The following KIF26B variants were observed in gnomAD, a reference collection of about 807,000 sequenced individuals.
KIF26B encodes kinesin family member 26B, also known as kinesin-like protein KIF26B.
KIF26B carries 63 observed loss-of-function variants against 151.2 expected under a neutral mutation model. That is an observed-to-expected ratio of 0.42 (90% CI 0.34 to 0.51). KIF26B has a LOEUF of 0.51. KIF26B is among the 20% of genes least tolerant of loss of function. KIF26B has a pLI of 0.07. For missense variants in KIF26B, 2,813 were observed against 2,913.6 expected (o/e 0.97, Z 0.79); for synonymous variants, 1,357 against 1,262.1 (o/e 1.08, Z -1.59).
At chr1:245,254,684 A>G (rs1670502997) in intron 2 of KIF26B, among the ~76,000 whole-genome samples, 1 of 152,130 alleles carries the variant, frequency 6.6e-6, no homozygotes, top group African/African-American at 2.4e-5. Flanking sequence ...GTTACGTGCT[A>G]TGACATCACA....
At chr1:245,371,215 G>C (rs931144974) in intron 3 of KIF26B, among the ~76,000 whole-genome samples, 3 of 152,130 alleles carry the variant, frequency 2.0e-5, no homozygotes, top group Non-Finnish European at 4.4e-5. Flanking sequence ...ATGAATCTGC[G>C]TCCCCTGTGT....
intron 2 of KIF26B, among the ~76,000 whole-genome samples, chr1:245,223,308 A>G (rs540291466): frequency 6.6e-6 from 1 of 152,350 alleles, no homozygotes; most frequent in African/African-American, 2.4e-5. Context: ...TTAAGTATGT[A>G]TATCATTAAC....
chr1:245,377,115 A>G (rs1174713522), intron 3 of KIF26B, among the ~76,000 whole-genome samples: 1 of 151,962 alleles, frequency 6.6e-6, no homozygotes, highest in Non-Finnish European at 1.5e-5. Context: ...GGGTTTCACC[A>G]TGTTGGTCAG....
chr1:245,356,826 A>G (rs2103003787), intron 2 of KIF26B, among the ~76,000 whole-genome samples: 1 of 152,336 alleles, frequency 6.6e-6, no homozygotes, highest in Non-Finnish European at 1.5e-5. Flanking sequence ...TGTAGAGAGA[A>G]TTAAAGCAGA....
intron 2 of KIF26B, among the ~76,000 whole-genome samples, chr1:245,180,504 A>C (rs947777413): frequency 6.6e-6 from 1 of 152,206 alleles, no homozygotes; most frequent in Non-Finnish European, 1.5e-5. Context: ...CTCTTTTAAA[A>C]TACTTAGCCC....
At chr1:245,362,237 C>T (rs1672837381) in intron 2 of KIF26B, among the ~76,000 whole-genome samples, 1 of 151,280 alleles carries the variant, frequency 6.6e-6, no homozygotes, top group Admixed American at 6.6e-5. Flanking sequence ...ACAAAATCTT[C>T]CTGAGGAAGG....
intron 2 of KIF26B, among the ~76,000 whole-genome samples, chr1:245,301,684 G>C (rs550624011): frequency 1.3e-5 from 2 of 152,164 alleles, no homozygotes; most frequent in African/African-American, 4.8e-5. Context: ...TCAGAAGAGA[G>C]GAAATGTTAT....
intron 5 of KIF26B, among the ~76,000 whole-genome samples, chr1:245,548,632 T>C (rs1270328071): frequency 6.6e-6 from 1 of 152,188 alleles, no homozygotes; most frequent in Non-Finnish European, 1.5e-5. Context: ...TCATCCCACT[T>C]TGTGGGAGAA....
In KIF26B at chr1:245,358,476, C is replaced by T. The variant is rs528634722; in HGVS notation, c.466-8358C>T. Among the ~76,000 whole-genome samples the T allele has an allele frequency of 2.6e-5, 4 of 152,110 alleles. No individual in the cohort carries two copies. Among genetic ancestry groups the T allele is most frequent in the South Asian group, 4.1e-4 (2 of 4,836 alleles). ...CCGAGCTTGCAGTGAGCCGAGATCGCGCCACTGTACTCCAGCCTGGGCTAC... is the reference window on the plus strand; with the variant it reads ...CCGAGCTTGCAGTGAGCCGAGATCGTGCCACTGTACTCCAGCCTGGGCTAC... On this transcript the variant is annotated intron_variant, in intron 2 of 14. Coordinates refer to ENST00000407071, the MANE Select transcript of KIF26B (RefSeq NM_018012.4). The surrounding 1 kb of genome is among the most constrained non-coding windows in gnomAD (Gnocchi z 4.1).
chr1:245,272,707 T>G (rs1670873789), intron 2 of KIF26B, among the ~76,000 whole-genome samples: 1 of 152,196 alleles, frequency 6.6e-6, no homozygotes, highest in Non-Finnish European at 1.5e-5. Context: ...CTCACAGGTT[T>G]TGGTGTGTTG....
At chr1:245,485,756 A>G (rs1660268293) in intron 4 of KIF26B, among the ~76,000 whole-genome samples, 1 of 152,214 alleles carries the variant, frequency 6.6e-6, no homozygotes, top group East Asian at 1.9e-4. Context: ...TAAACTGGCG[A>G]TGCTGTGTAG....
chr1:245,489,655 T>C (rs1660354823), intron 4 of KIF26B, among the ~76,000 whole-genome samples: 1 of 152,268 alleles, frequency 6.6e-6, no homozygotes, highest in Admixed American at 6.5e-5. Context: ...CTCGTCGGGC[T>C]ATGTATATGT....
At position 245,278,007 on chromosome 1, in the gene KIF26B, A is replaced by G. The variant is rs559356303; in HGVS notation, c.466-88827A>G. Among the ~76,000 whole-genome samples the G allele has an allele frequency of 5.9e-5, 9 of 152,204 alleles. 1 individual carries two copies. In the East Asian group the frequency reaches 1.8e-3, roughly 30 times the overall value. On this transcript the variant is annotated intron_variant, in intron 2 of 14. Transcript: ENST00000407071. ...TCATGGCAAAGCATGGAGGGAAAAA[A>G]TTAGGAAGGGGTGGGGTGAAGTTAT...
chr1:245,522,147 G>A (rs951290449), intron 4 of KIF26B, among the ~76,000 whole-genome samples: 5 of 152,158 alleles, frequency 3.3e-5, no homozygotes, highest in Non-Finnish European at 7.4e-5. Flanking sequence ...GGGATTACAG[G>A]TGTGAGCCAC....
Position 245,688,498 on chromosome 1 carries a change from G to A in KIF26B, c.5515G>A (p.Asp1839Asn). 10 of 1,476,894 alleles carry A rather than the reference G, an allele frequency of 6.8e-6. No individual in the cohort carries two copies. Among genetic ancestry groups the A allele is most frequent in the Non-Finnish European group, 8.0e-6 (9 of 1,121,228 alleles). The allele number at this position is 1,476,894 out of a possible 1,614,324, so 91.5% of individuals were successfully genotyped here. A position where few individuals can be genotyped will look rare whatever the true frequency, so the allele number is the denominator to read the frequency against. ...GGCGCGCGGGGGGGCCCTGGCCGAGGACGAGCCCGCGGCCGCGCACCTGCT... is the reference window on the plus strand; with the variant it reads ...GGCGCGCGGGGGGGCCCTGGCCGAGAACGAGCCCGCGGCCGCGCACCTGCT... ...AEARGGALAE[D>N]EPAAAHLLPS... is the part of the protein sequence containing the mutation. Residue 1839 changes from aspartate (D) to asparagine (N), a missense_variant, in exon 12 of 15, where the codon GAC becomes AAC. Around this residue, in one of 3 missense-constraint regions of KIF26B, gnomAD observed 2,060 missense variants for 2,088.6 expected, o/e 0.99. Transcript: ENST00000407071.
At chr1:245,329,865 T>G (rs1432717842) in intron 2 of KIF26B, among the ~76,000 whole-genome samples, 1 of 152,208 alleles carries the variant, frequency 6.6e-6, no homozygotes, top group Admixed American at 6.5e-5. Flanking sequence ...CAGGCTGGAG[T>G]GCAGTGGCAC....
At position 245,155,104 on chromosome 1, in the gene KIF26B, G is replaced by A. The variant is rs1277006726; in HGVS notation, c.-321G>A. On this transcript the variant is annotated 5_prime_UTR_variant, in exon 1 of 15. Transcript: ENST00000407071. ...CCTCGCTTTCCTCGTGGGGGAGCAC[G>A]GACTGACTTGGCTGAAGAAAATGCC... The A allele has an allele frequency of 4.0e-6, 2 of 504,358 alleles. No individual in the cohort carries two copies. The highest frequency in any genetic ancestry group is 6.9e-5 in the East Asian group (2 of 29,052). The allele number at this position is 504,358 out of a possible 1,614,324, so 31.2% of individuals were successfully genotyped here.
intron 5 of KIF26B, among the ~76,000 whole-genome samples, chr1:245,587,055 C>G (rs1337733385): frequency 6.6e-6 from 1 of 152,190 alleles, no homozygotes; most frequent in South Asian, 2.1e-4. Flanking sequence ...GAAACTGAGG[C>G]TCATAGAAGT....
At chr1:245,326,066 G>A (rs774742088) in intron 2 of KIF26B, among the ~76,000 whole-genome samples, 43 of 152,114 alleles carry the variant, frequency 2.8e-4, no homozygotes, top group Non-Finnish European at 5.1e-4. Context: ...CTACTCAGAC[G>A]GGCAATCATG....
Sources: allele counts gnomAD v4.1 joint callset (sites outside exome capture counted in the v4.1 genomes callset), GRCh38; gene constraint gnomAD v4.1.1; regional missense constraint gnomAD v4.1.1; non-coding constraint Gnocchi (gnomAD v3.1); transcripts MANE v1.5; gene names NCBI Gene and HGNC (gene_info 2026-07-23, HGNC 2026-07-21).